The following PLAUR variants were observed in gnomAD, a reference collection of about 807,000 sequenced individuals.
PLAUR encodes urokinase plasminogen activator surface receptor.
Under a neutral mutation model 33.4 loss-of-function variants are expected in PLAUR, and 22 were observed. That is an observed-to-expected ratio of 0.66 (90% CI 0.47 to 0.94). The LOEUF (loss-of-function observed/expected upper bound fraction) is 0.94. PLAUR is among the 40% of genes least tolerant of loss of function. PLAUR has a pLI of 0.00. For missense variants in PLAUR, 408 were observed against 434.7 expected, an observed-to-expected ratio of 0.94 and a Z score of 0.55; for synonymous variants, 148 against 167.3, an observed-to-expected ratio of 0.88 and a Z score of 0.89.
At chr19:43,666,823 C>T (rs1215365254) in intron 2 of PLAUR, among the ~76,000 whole-genome samples, 2 of 151,934 alleles carry the variant, frequency 1.3e-5, no homozygotes, top group Non-Finnish European at 2.9e-5. Context: ...CCTGCCTCAG[C>T]CTCCCAAAGT....
At position 43,670,088 on chromosome 19, in the gene PLAUR, C is replaced by T. The variant is rs1367547652; in HGVS notation, c.33G>A (p.Leu11=). 1.2e-6 allele frequency: 2 copies of T among 1,613,058 alleles called. No individual in the cohort carries two copies. Among genetic ancestry groups the T allele is most frequent in the South Asian group, 1.1e-5 (1 of 91,050 alleles). Residue 11 remains leucine, a synonymous_variant, in exon 1 of 7, where the codon CTG becomes CTA. Coordinates refer to ENST00000340093, the MANE Select transcript of PLAUR (RefSeq NM_002659.4). ...TACCTGGGACGCAGGTGTGGAGCAG[C>T]AGCAGCAGCGGCAGCAGCGGCGGGT... MGHPPLLPLL[L]LLHTCVPASW... is the part of the protein sequence containing the mutation.
intron 6 of PLAUR, 44 bp from the exon 7 acceptor site, chr19:43,649,187 C>T (rs1422060031): frequency 6.3e-7 from 1 of 1,588,974 alleles, no homozygotes. Flanking sequence ...CTCCTGGGCC[C>T]AGGACTGGAA....
chr19:43,667,055 T>G (rs549123049), intron 2 of PLAUR, among the ~76,000 whole-genome samples: 29 of 151,902 alleles, frequency 1.9e-4, no homozygotes, highest in Middle Eastern at 3.4e-3. Context: ...TTTTCCTTTT[T>G]TGTGTGTGTG....
chr19:43,665,186 G>A, intron 3 of PLAUR, 130 bp downstream of exon 3: 6 of 897,802 alleles, frequency 6.7e-6, no homozygotes, highest in Non-Finnish European at 8.7e-6. Context: ...GGGTTGGGTT[G>A]GGGTTGGGAC....
Position 43,648,830 on chromosome 19 carries a change from C to A in PLAUR, c.*60G>T. On this transcript the variant is annotated 3_prime_UTR_variant, in exon 7 of 7. Coordinates refer to ENST00000340093, the MANE Select transcript of PLAUR (RefSeq NM_002659.4). ...CACAGCAAGTCTGTAGGGCTGGGAG[C>A]CGAGGGAAGGGCAAAGGGGTCCCCC... The A allele has an allele frequency of 1.3e-6, 2 of 1,546,858 alleles. No individual in the cohort carries two copies. Among genetic ancestry groups the A allele is most frequent in the South Asian group, 2.4e-5 (2 of 84,014 alleles).
intron 3 of PLAUR, among the ~76,000 whole-genome samples, chr19:43,658,281 A>C (rs1395929640): frequency 6.6e-6 from 1 of 152,158 alleles, no homozygotes; most frequent in Non-Finnish European, 1.5e-5. Flanking sequence ...GGGAGCATTC[A>C]TGTGAGTGAA....
At chr19:43,665,508 C>T in intron 2 of PLAUR, 49 bp from the exon 3 acceptor site, 2 of 1,594,058 alleles carry the variant, frequency 1.3e-6, no homozygotes, top group Non-Finnish European at 1.7e-6. Context: ...TCAGCTCAAC[C>T]AGCCTCTGAC....
rs1344696868 is a variant in PLAUR at position 43,656,961 on chromosome 19, C to T, written c.311-321G>A. On this transcript the variant is annotated intron_variant, in intron 3 of 6. Transcript: ENST00000340093. Reference sequence around the variant, plus strand: ...CTTTCCTTTTTTTTTTTTTTTTTCCCGAGACAGAGTCTCACTCCGTCACCC... The same window carrying T: ...CTTTCCTTTTTTTTTTTTTTTTTCCTGAGACAGAGTCTCACTCCGTCACCC... Among the ~76,000 whole-genome samples the T allele has an allele frequency of 3.4e-5, 5 of 147,548 alleles. No homozygotes were observed. In the East Asian group the frequency reaches 5.9e-4, roughly 17 times the overall value.
chr19:43,668,473 C>A (rs1967366677), intron 1 of PLAUR, among the ~76,000 whole-genome samples: 1 of 149,666 alleles, frequency 6.7e-6, no homozygotes, highest in South Asian at 2.1e-4. Flanking sequence ...CCTCTAGCTC[C>A]TCCTTGAGAT....
At chr19:43,667,378 C>T (rs892235879) in intron 2 of PLAUR, 1 of 590,752 alleles carries the variant, frequency 1.7e-6, no homozygotes, top group Admixed American at 2.9e-5. Flanking sequence ...TCCCCCACCA[C>T]AGACACGGTC....
At position 43,648,722 on chromosome 19, in the gene PLAUR, G is replaced by A. The variant is rs1240394124; in HGVS notation, c.*168C>T. 2.3e-6 allele frequency: 2 copies of A among 880,594 alleles called. No individual in the cohort carries two copies. Among genetic ancestry groups the A allele is most frequent in the African/African-American group, 3.4e-5 (2 of 59,338 alleles). The allele number at this position is 880,594 out of a possible 1,614,324, so 54.5% of individuals were successfully genotyped here. ...GGCCTTCCTCCAGCTTTTCTCTTCT[G>A]CTTCACACAACTTTGTGAGATAGCT... On this transcript the variant is annotated 3_prime_UTR_variant, in exon 7 of 7. Coordinates refer to ENST00000340093, the MANE Select transcript of PLAUR (RefSeq NM_002659.4).
rs1168728363 is a variant in PLAUR, at chr19:43,667,652, C to T, written c.95G>A (p.Gly32Glu). The T allele has an allele frequency of 1.2e-6, 2 of 1,614,022 alleles. No homozygotes were observed. Among genetic ancestry groups the T allele is most frequent in the East Asian group, 2.2e-5 (1 of 44,862 alleles). ...GLRCMQCKTN[G>E]DCRVEECALG... ...GGCGCACTCTTCCACACGGCAATCC[C>T]CGTTGGTCTTACACTGCATGCACCG... The change falls in exon 2 of 7, where the codon GGG becomes GAG. Residue 32 changes from glycine to glutamate, a missense_variant. Physicochemically the swap from Gly to Glu is moderately conservative, Grantham distance 98 (BLOSUM62 -2). Transcript: ENST00000340093.
intron 3 of PLAUR, among the ~76,000 whole-genome samples, chr19:43,664,368 C>T (rs568494686): frequency 2.0e-5 from 3 of 152,318 alleles, no homozygotes; most frequent in South Asian, 2.1e-4. Flanking sequence ...ATCTCTTTCA[C>T]GGATGGATCC....
At position 43,659,813 on chromosome 19, in the gene PLAUR, T is replaced by G. The variant is rs188543043; in HGVS notation, c.311-3173A>C. On this transcript the variant is annotated intron_variant, in intron 3 of 6. Coordinates refer to ENST00000340093, the MANE Select transcript of PLAUR (RefSeq NM_002659.4). ...CTGTCTTCTAGCTCCTTAATCCTTT[T>G]GCTCTGCTGTTTCTGACCTCTATCA... 9.5e-4 allele frequency among the ~76,000 whole-genome samples: 144 copies of G among 152,354 alleles called. 1 individual carries two copies. In the Middle Eastern group the frequency reaches 0.014, roughly 14 times the overall value.
chr19:43,654,048 C>T (rs1181791022), intron 5 of PLAUR, among the ~76,000 whole-genome samples: 3 of 150,372 alleles, frequency 2.0e-5, no homozygotes, highest in African/African-American at 4.9e-5. Flanking sequence ...GGCGTGAACC[C>T]GGGAGGCGGA....
intron 3 of PLAUR, 77 bp downstream of exon 3, chr19:43,665,239 A>G: frequency 6.8e-6 from 10 of 1,473,144 alleles, no homozygotes; most frequent in Non-Finnish European, 8.5e-6. Flanking sequence ...TGTAAAGTTA[A>G]GAATAGGATT....
intron 5 of PLAUR, among the ~76,000 whole-genome samples, chr19:43,654,725 C>A (rs528203154): frequency 1.0e-3 from 154 of 152,058 alleles, no homozygotes; most frequent in Non-Finnish European, 1.8e-3. Flanking sequence ...CAGAGCGAGA[C>A]CCTGTCCCCC....
At chr19:43,665,552 T>C (rs1967196918) in intron 2 of PLAUR, 93 bp from the exon 3 acceptor site, 1 of 1,309,678 alleles carries the variant, frequency 7.6e-7, no homozygotes, top group Admixed American at 1.8e-5. Flanking sequence ...CTCCCAGGGC[T>C]GATCTCTGCT....
At chr19:43,667,748 C>A in intron 1 of PLAUR, 57 bp from the exon 2 acceptor site, 4 of 1,588,908 alleles carry the variant, frequency 2.5e-6, no homozygotes, top group East Asian at 2.3e-5. Context: ...CCAAGACCCC[C>A]GCTCACCCCT....
Sources: allele counts gnomAD v4.1 joint callset (sites outside exome capture counted in the v4.1 genomes callset), GRCh38; gene constraint gnomAD v4.1.1; transcripts MANE v1.5; gene names NCBI Gene and HGNC (gene_info 2026-07-23, HGNC 2026-07-21).